Variants in FMN2 observed in about 807,000 individuals in gnomAD.
FMN2 encodes the protein formin-2.
FMN2 carries 51 observed loss-of-function variants against 142.3 expected under a neutral mutation model. The observed-to-expected ratio is 0.36, with a 90% CI of 0.29 to 0.45. The LOEUF is 0.45. Among genes scored for constraint, FMN2 ranks in the 20% least tolerant of loss-of-function variants. The pLI is 1.00. For synonymous variants in FMN2, 882 were observed against 869.8 expected, an observed-to-expected ratio of 1.01 and a Z score of -0.25; for missense variants, 1,936 against 2,122.8, an observed-to-expected ratio of 0.91 and a Z score of 1.73.
intron 6 of FMN2, among the ~76,000 whole-genome samples, chr1:240,247,866 T>G (rs1448851692): frequency 6.6e-6 from 1 of 152,226 alleles, no homozygotes; most frequent in Admixed American, 6.5e-5. Context: ...TATACATATT[T>G]ATGATGTTAC....
chr1:240,360,601 G>A (rs1020059917), intron 14 of FMN2, among the ~76,000 whole-genome samples: 6 of 152,130 alleles, frequency 3.9e-5, no homozygotes, highest in Non-Finnish European at 8.8e-5. Flanking sequence ...CACCTATGGC[G>A]AGGACAAGTC....
rs150347914 is a variant in FMN2 at position 240,336,171 on chromosome 1, TAAAG to T, written c.4765+1950_4765+1953del. ...AAATAAATAAATAAATAAGTAAAAA[TAAAG>T]AAAGAAAAAGACAAGCAGCCAGCGC... is the stretch of plus-strand genomic sequence containing the variant. On this transcript the variant is annotated intron_variant, in intron 13 of 17. Coordinates refer to ENST00000319653, the MANE Select transcript of FMN2 (RefSeq NM_020066.5). Among the ~76,000 whole-genome samples the T allele has an allele frequency of 5.0e-3, 764 of 151,790 alleles. 5 individuals are homozygous for T. Among genetic ancestry groups the T allele is most frequent in the African/African-American group, 0.017 (723 of 41,392 alleles).
intron 2 of FMN2, among the ~76,000 whole-genome samples, chr1:240,129,576 C>T (rs1160338594): frequency 6.9e-6 from 1 of 145,604 alleles, no homozygotes; most frequent in African/African-American, 2.6e-5. Flanking sequence ...GATCTCAACT[C>T]ACTGCAACCT....
intron 16 of FMN2, among the ~76,000 whole-genome samples, chr1:240,446,516 A>G (rs1177952042): frequency 6.6e-6 from 1 of 152,202 alleles, no homozygotes; most frequent in Non-Finnish European, 1.5e-5. Flanking sequence ...ATCAAAATAT[A>G]CTTCCTGGAG....
intron 16 of FMN2, chr1:240,471,674 C>G (rs1676813437): frequency 6.5e-6 from 1 of 153,050 alleles, no homozygotes; most frequent in Non-Finnish European, 1.5e-5. Flanking sequence ...CCGCGCCCAG[C>G]CGGCATGTAA....
chr1:240,197,410 C>T (rs1210192501), intron 4 of FMN2, among the ~76,000 whole-genome samples: 2 of 151,994 alleles, frequency 1.3e-5, no homozygotes, highest in African/African-American at 2.4e-5. Context: ...ATTGAACCTG[C>T]GGAGGGGGTG....
Position 240,092,368 on chromosome 1 carries a change from G to A in FMN2, c.259G>A (p.Gly87Arg), listed in dbSNP as rs764756141. 1.3e-5 allele frequency: 21 copies of A among 1,609,430 alleles called. No individual in the cohort carries two copies. In the East Asian group the frequency reaches 4.7e-4, roughly 36 times the overall value. Reference sequence around the variant, plus strand: ...GCGGATCAGGAAGAATCTGTCCAAGGGGAAAGGCGCCGGCGGCTCCCGCGA... The same window carrying A: ...GCGGATCAGGAAGAATCTGTCCAAGAGGAAAGGCGCCGGCGGCTCCCGCGA... ...NLRIRKNLSKGKGAGGSREDV... is the reference protein window; with the variant it reads ...NLRIRKNLSKRKGAGGSREDV... The change falls in exon 1 of 18, where the codon GGG (glycine) becomes AGG (arginine). Residue 87 changes from glycine to arginine, a missense_variant. By Grantham distance (125) the Gly-to-Arg change is moderately radical. This residue lies in a region of FMN2 where 751 missense variants were observed against 791.8 expected (regional missense o/e 0.95). Transcript: ENST00000319653.
At chr1:240,117,846 G>C (rs554516128) in intron 1 of FMN2, among the ~76,000 whole-genome samples, 1 of 152,316 alleles carries the variant, frequency 6.6e-6, no homozygotes, top group Non-Finnish European at 1.5e-5. Context: ...TGGAGTTTAC[G>C]CTCCAGGAGT....
Position 240,092,273 on chromosome 1 carries a change from G to A in FMN2, c.164G>A (p.Gly55Asp). The change falls in exon 1 of 18, where the codon GGC becomes GAC. Residue 55 changes from glycine (G) to aspartate (D), a missense_variant. Around this residue, in one of 8 missense-constraint regions of FMN2, gnomAD observed 751 missense variants for 791.8 expected, o/e 0.95. Coordinates refer to ENST00000319653, the MANE Select transcript of FMN2 (RefSeq NM_020066.5). ...AAGCACGGCAAGGGGGGAGGGGGCG[G>A]CGGCGGCGGCGGGGAGTCGGGCAAG... ...LGKHGKGGGG[G>D]GGGGESGKKK... 6.9e-7 allele frequency: 1 copy of A among 1,451,190 alleles called. No homozygotes were observed. The highest frequency in any genetic ancestry group is 9.4e-7 in the Non-Finnish European group (1 of 1,060,524). The allele number at this position is 1,451,190 out of a possible 1,614,324, so 89.9% of individuals were successfully genotyped here.
intron 7 of FMN2, among the ~76,000 whole-genome samples, chr1:240,288,595 C>T (rs374940987): frequency 3.9e-5 from 6 of 152,184 alleles, no homozygotes; most frequent in African/African-American, 1.2e-4. Context: ...ACTCACGGCC[C>T]TGTGATATTC....
chr1:240,406,034 C>CCTCAGGA (rs71170740), intron 15 of FMN2, among the ~76,000 whole-genome samples: 5 of 141,046 alleles, frequency 3.5e-5, no homozygotes, highest in South Asian at 4.6e-4. Flanking sequence ...AGGGAAGCAG[C>CCTCAGGA]GTCAGGAGTC....
intron 15 of FMN2, among the ~76,000 whole-genome samples, chr1:240,407,697 A>G (rs1041499344): frequency 1.3e-5 from 2 of 152,052 alleles, no homozygotes; most frequent in African/African-American, 4.8e-5. Context: ...GCATTCTTCT[A>G]CCTTTCAAAC....
chr1:240,386,603 A>G (rs1301268340), intron 14 of FMN2, among the ~76,000 whole-genome samples: 1 of 152,244 alleles, frequency 6.6e-6, no homozygotes, highest in Non-Finnish European at 1.5e-5. Flanking sequence ...GGAGCCAGAC[A>G]GCGACTACAG....
At chr1:240,266,296 G>A (rs1231719195) in intron 7 of FMN2, among the ~76,000 whole-genome samples, 1 of 151,860 alleles carries the variant, frequency 6.6e-6, no homozygotes, top group African/African-American at 2.4e-5. Context: ...AGGTTTTTGG[G>A]GGGGTCCAGT....
intron 2 of FMN2, among the ~76,000 whole-genome samples, chr1:240,157,301 G>A (rs750555912): frequency 5.3e-5 from 8 of 152,180 alleles, no homozygotes; most frequent in African/African-American, 7.2e-5. Flanking sequence ...ACTGAGCTTC[G>A]TGTATGTCTG....
At chr1:240,459,769 G>C (rs1676385962) in intron 16 of FMN2, among the ~76,000 whole-genome samples, 2 of 130,154 alleles carry the variant, frequency 1.5e-5, no homozygotes, top group African/African-American at 5.8e-5. Context: ...TGTAGAGGAA[G>C]TATGCTAACT....
chr1:240,184,935 CCCTCCTATACCTTCCCCTTCTCTTTCT>C (rs1665343527), intron 3 of FMN2, among the ~76,000 whole-genome samples: 1 of 148,040 alleles, frequency 6.8e-6, no homozygotes, highest in African/African-American at 2.5e-5. Context: ...TTTACTTTCT[CCCTCCTATACCTTCCCCTTCTCTTTCT>C]CCCTCCTATA....
chr1:240,123,184 A>C lies in FMN2; in HGVS notation c.1621A>C (p.Thr541Pro), dbSNP rs1465861507. The change falls in exon 2 of 18, where the codon ACG becomes CCG. Residue 541 changes from threonine to proline, a missense_variant. Coordinates refer to ENST00000319653, the MANE Select transcript of FMN2 (RefSeq NM_020066.5). ...DGFQNVFTGR[T>P]LLEKLFSQQE... Reference sequence around the variant, plus strand: ...TGACTGTGTTTCATCTGCAGGGCGAACGCTGTTGGAGAAGCTGTTCAGCCA... The same window carrying C: ...TGACTGTGTTTCATCTGCAGGGCGACCGCTGTTGGAGAAGCTGTTCAGCCA... 1 of 1,614,168 alleles carries C rather than the reference A, an allele frequency of 6.2e-7. No homozygotes were observed. Among genetic ancestry groups the C allele is most frequent in the Non-Finnish European group, 8.5e-7 (1 of 1,180,028 alleles).
chr1:240,444,900 G>A (rs1675753751), intron 16 of FMN2, among the ~76,000 whole-genome samples: 1 of 152,202 alleles, frequency 6.6e-6, no homozygotes, highest in Admixed American at 6.5e-5. Flanking sequence ...TTACTCTTAT[G>A]GAATAACGTA....
Sources: gnomAD v4.1 joint callset for allele counts (sites outside exome capture counted in the v4.1 genomes callset) on GRCh38, gnomAD v4.1.1 for gene constraint, gnomAD v4.1.1 regional missense constraint, MANE v1.5 for transcripts, NCBI Gene and HGNC (gene_info 2026-07-23, HGNC 2026-07-21) for gene names.